Variants in ROBO1 observed in about 807,000 individuals in gnomAD.
The protein encoded by ROBO1 is roundabout guidance receptor 1.
Under a neutral mutation model 195.9 loss-of-function variants are expected in ROBO1, and 149 were observed. The ratio of observed to expected loss-of-function variants is 0.76; its 90% CI spans 0.67 to 0.87. The LOEUF (loss-of-function observed/expected upper bound fraction) is 0.87, where lower values mean the gene tolerates loss of function less well. Ranked by LOEUF, ROBO1 falls within the 40% of genes least tolerant of loss-of-function variation. The probability of loss-of-function intolerance (pLI) is 0.00; values close to 1 mark genes in which losing one functional copy is unlikely to be tolerated. For synonymous variants in ROBO1, 816 were observed against 733.2 expected (o/e 1.11, Z -1.82); for missense variants, 1,933 against 2,068.3 (o/e 0.93, Z 1.27).
At chr3:79,259,898 A>G (rs2082907986) in intron 2 of ROBO1, among the ~76,000 whole-genome samples, 1 of 152,192 alleles carries the variant, frequency 6.6e-6, no homozygotes. Flanking sequence ...TTTCAATTGT[A>G]AAATGCATTT....
Position 78,746,905 on chromosome 3 carries a change from A to G in ROBO1, c.500-5T>C. On this transcript the variant is annotated splice_polypyrimidine_tract_variant and splice_region_variant and intron_variant, in intron 4 of 30. Coordinates refer to ENST00000464233, the MANE Select transcript of ROBO1 (RefSeq NM_002941.4). ...GTCTGAAGTCATCCCGAAGTACTGT[A>G]GGAACAAGATTAAATCATTATACCC... 1 of 1,540,064 alleles carries G rather than the reference A, an allele frequency of 6.5e-7. No individual in the cohort carries two copies. The highest frequency in any genetic ancestry group is 8.8e-7 in the Non-Finnish European group (1 of 1,134,056).
rs1237198601 is a variant in ROBO1, at chr3:79,713,981, G to T, written c.-51+53771C>A. Among the ~76,000 whole-genome samples the T allele has an allele frequency of 2.0e-5, 3 of 152,198 alleles. No individual in the cohort carries two copies. In the East Asian group the frequency reaches 5.8e-4, roughly 29 times the overall value. Reference sequence around the variant, plus strand: ...TCTGTTTTGTTACCAGTACCATGCTGTTTTGGTTACTGTAGCCTTGTAGTA... The same window carrying T: ...TCTGTTTTGTTACCAGTACCATGCTTTTTTGGTTACTGTAGCCTTGTAGTA... On this transcript the variant is annotated intron_variant, in intron 1 of 30. Transcript: ENST00000464233.
chr3:78,885,412 T>TAAAAAAAAAAAAA (rs59912706), intron 4 of ROBO1, among the ~76,000 whole-genome samples: 3 of 53,702 alleles, frequency 5.6e-5, no homozygotes, highest in Admixed American at 3.1e-4. Context: ...AATTTAAAAC[T>TAAAAAAAAAAAAA]AAAAAAAAAA....
chr3:78,850,350 C>T (rs1288000191), intron 4 of ROBO1, among the ~76,000 whole-genome samples: 3 of 152,154 alleles, frequency 2.0e-5, no homozygotes, highest in South Asian at 2.1e-4. Context: ...GGAAGTAATA[C>T]TAGTCTATAT....
chr3:79,063,730 T>C (rs1306247057), intron 3 of ROBO1, among the ~76,000 whole-genome samples: 1 of 151,882 alleles, frequency 6.6e-6, no homozygotes, highest in Admixed American at 6.6e-5. Flanking sequence ...ATTCTGGAAA[T>C]TTGTGACATA....
intron 2 of ROBO1, among the ~76,000 whole-genome samples, chr3:79,521,451 C>A (rs992502754): frequency 2.6e-5 from 4 of 152,060 alleles, no homozygotes; most frequent in African/African-American, 7.2e-5. Flanking sequence ...GAGTTTCGTG[C>A]GCCCCTTCAA....
chr3:79,381,378 GAAAAGAAAAGA>G (rs2036571739), intron 2 of ROBO1, among the ~76,000 whole-genome samples: 8 of 63,348 alleles, frequency 1.3e-4, no homozygotes, highest in Non-Finnish European at 2.4e-4. Context: ...AAAAAAAAAA[GAAAAGAAAAGA>G]AAAGAAAAGA....
intron 2 of ROBO1, among the ~76,000 whole-genome samples, chr3:79,488,743 C>A (rs148286148): frequency 6.6e-6 from 1 of 152,250 alleles, no homozygotes; most frequent in East Asian, 1.9e-4. Context: ...AATGGACATA[C>A]ACTGCAAGTT....
intron 4 of ROBO1, among the ~76,000 whole-genome samples, chr3:78,823,375 G>A (rs939904581): frequency 1.8e-4 from 28 of 152,084 alleles, no homozygotes; most frequent in Admixed American, 5.2e-4. Flanking sequence ...TAGAGTACTC[G>A]AAACTTAATT....
intron 3 of ROBO1, among the ~76,000 whole-genome samples, chr3:78,968,515 T>A (rs2076695930): frequency 2.0e-5 from 3 of 151,938 alleles, no homozygotes; most frequent in Non-Finnish European, 2.9e-5. Flanking sequence ...TGACCTCAAG[T>A]GAGCTGCCTA....
At chr3:79,306,086 ATACT>A (rs1215262764) in intron 2 of ROBO1, among the ~76,000 whole-genome samples, 6 of 152,220 alleles carry the variant, frequency 3.9e-5, no homozygotes, top group Non-Finnish European at 7.3e-5. Flanking sequence ...AAGCAAGCTG[ATACT>A]TACTTCATAA....
At chr3:79,578,894 T>C (rs1341009431) in intron 2 of ROBO1, among the ~76,000 whole-genome samples, 1 of 152,206 alleles carries the variant, frequency 6.6e-6, no homozygotes, top group Non-Finnish European at 1.5e-5. Context: ...GTTTGCCACG[T>C]TTGTGGCTTT....
intron 2 of ROBO1, among the ~76,000 whole-genome samples, chr3:79,568,084 C>T (rs781089510): frequency 2.0e-5 from 3 of 152,102 alleles, no homozygotes; most frequent in Non-Finnish European, 4.4e-5. Flanking sequence ...CACAATCTCA[C>T]CTCTCTTTAT....
At position 79,268,453 on chromosome 3, in the gene ROBO1, A is replaced by G. The variant is rs573623374; in HGVS notation, c.89-142914T>C. On this transcript the variant is annotated intron_variant, in intron 2 of 30. Coordinates refer to ENST00000464233, the MANE Select transcript of ROBO1 (RefSeq NM_002941.4). The stretch of plus-strand genomic sequence containing the variant: ...TGTATCTTTCACCTTCCTGTCCCAC[A>G]TGATGAAGACGTTAACAATATGGTT... Among the ~76,000 whole-genome samples, 5 of 151,786 alleles carry G rather than the reference A, an allele frequency of 3.3e-5. No homozygotes were observed. The South Asian group carries it at 1.0e-3, about 31-fold the overall frequency.
chr3:79,214,826 ATTT>A (rs60371742), intron 2 of ROBO1, among the ~76,000 whole-genome samples: 1 of 129,132 alleles, frequency 7.7e-6, no homozygotes. Context: ...ATATATATAT[ATTT>A]TTTTTTTTTT....
intron 2 of ROBO1, among the ~76,000 whole-genome samples, chr3:79,551,980 TAAAAAA>T (rs771824432): frequency 2.0e-4 from 9 of 44,258 alleles, no homozygotes; most frequent in African/African-American, 6.5e-4. Flanking sequence ...TCTACAGAGT[TAAAAAA>T]AAAAAAAAAA....
intron 7 of ROBO1, chr3:78,715,254 T>A (rs2081872023): frequency 6.6e-6 from 1 of 152,204 alleles, no homozygotes; most frequent in Non-Finnish European, 1.5e-5. Flanking sequence ...ATATTTAATG[T>A]ATTAAATAAA....
At chr3:79,078,493 A>C (rs942512382) in intron 3 of ROBO1, among the ~76,000 whole-genome samples, 1 of 151,760 alleles carries the variant, frequency 6.6e-6, no homozygotes, top group African/African-American at 2.4e-5. Flanking sequence ...TAAGAACAAA[A>C]GCTCCAGAAT....
intron 1 of ROBO1, among the ~76,000 whole-genome samples, chr3:79,664,439 A>G (rs1576198313): frequency 6.6e-6 from 1 of 152,184 alleles, no homozygotes; most frequent in South Asian, 2.1e-4. Context: ...TACAGTCTAC[A>G]TAAGCTATGG....
Sources: allele counts gnomAD v4.1 joint callset (sites outside exome capture counted in the v4.1 genomes callset), GRCh38; gene constraint gnomAD v4.1.1; transcripts MANE v1.5; gene names NCBI Gene and HGNC (gene_info 2026-07-23, HGNC 2026-07-21).